Variants in KCNIP4 observed in about 807,000 individuals in gnomAD.
KCNIP4 encodes potassium voltage-gated channel interacting protein 4, also known as Kv channel-interacting protein 4.
A neutral mutation model predicts 34.0 loss-of-function variants in KCNIP4; 12 were observed. The observed-to-expected ratio is 0.35, with a 90% confidence interval of 0.23 to 0.57. The LOEUF (loss-of-function observed/expected upper bound fraction) is 0.57, where lower values mean the gene tolerates loss of function less well. KCNIP4 is among the 20% of genes least tolerant of loss of function. The pLI, the probability that KCNIP4 is intolerant of heterozygous loss-of-function variation, is 0.83. For synonymous variants in KCNIP4, 124 were observed against 102.2 expected (o/e 1.21, Z -1.29); for missense variants, 238 against 311.7 (o/e 0.76, Z 1.78).
intron 1 of KCNIP4, among the ~76,000 whole-genome samples, chr4:21,894,177 CA>C (rs897662492): frequency 5.3e-5 from 8 of 150,444 alleles, no homozygotes; most frequent in East Asian, 3.9e-4. Flanking sequence ...ACTAAAAATA[CA>C]AAAAAAAATT....
At chr4:21,729,349 A>C (rs1715423040) in intron 1 of KCNIP4, among the ~76,000 whole-genome samples, 1 of 152,160 alleles carries the variant, frequency 6.6e-6, no homozygotes, top group South Asian at 2.1e-4. Flanking sequence ...GGAACAAGGA[A>C]TACACCAGTG....
intron 5 of KCNIP4, among the ~76,000 whole-genome samples, chr4:20,738,059 G>A (rs1750090625): frequency 6.6e-6 from 1 of 152,004 alleles, no homozygotes. Flanking sequence ...GAGCCCAGAA[G>A]GTCGAGGCTA....
intron 1 of KCNIP4, among the ~76,000 whole-genome samples, chr4:21,068,007 A>C (rs1439544411): frequency 6.6e-6 from 1 of 152,208 alleles, no homozygotes; most frequent in East Asian, 1.9e-4. Context: ...AAAATATTTA[A>C]AATATGATTG....
intron 1 of KCNIP4, among the ~76,000 whole-genome samples, chr4:21,723,827 A>T (rs1018427258): frequency 6.6e-6 from 1 of 152,118 alleles, no homozygotes; most frequent in South Asian, 2.1e-4. Context: ...TGGACTATGA[A>T]AAACACAGTT....
At chr4:21,403,826 A>G (rs1723744535) in intron 1 of KCNIP4, among the ~76,000 whole-genome samples, 1 of 152,196 alleles carries the variant, frequency 6.6e-6, no homozygotes, top group South Asian at 2.1e-4. Flanking sequence ...TGCTGTGTCC[A>G]CACATGGAGG....
intron 1 of KCNIP4, among the ~76,000 whole-genome samples, chr4:21,751,353 C>T (rs1391041300): frequency 6.6e-6 from 1 of 152,024 alleles, no homozygotes; most frequent in Non-Finnish European, 1.5e-5. Flanking sequence ...TCTTAAATTG[C>T]ATTAAAGGAT....
chr4:21,813,020 G>C (rs1721756064), intron 1 of KCNIP4, among the ~76,000 whole-genome samples: 1 of 152,100 alleles, frequency 6.6e-6, no homozygotes, highest in Non-Finnish European at 1.5e-5. Context: ...AGCTTGCCTA[G>C]GTGCCCCCAA....
chr4:20,882,624 C>T lies in KCNIP4; in HGVS notation c.147G>A (p.Ser49=), dbSNP rs374165010. 48 of 1,612,666 alleles carry T rather than the reference C, an allele frequency of 3.0e-5. No individual in the cohort carries two copies. In the African/African-American group the frequency reaches 4.8e-4, roughly 16 times the overall value. The change falls in exon 2 of 9, where the codon TCG becomes TCA. Residue 49 remains serine, a synonymous_variant. Transcript: ENST00000382152. ...KLLPCSAAKT[S]SPAIQNSVED... ...CAAACTTGCTTTGAATAGCAGGAGA[C>T]GACGTTTTGGCAGCTGAGCAGGGCA...
chr4:21,546,183 T>C (rs1010695912), intron 1 of KCNIP4, among the ~76,000 whole-genome samples: 4 of 152,144 alleles, frequency 2.6e-5, no homozygotes, highest in African/African-American at 7.2e-5. Context: ...AGGTCAATCA[T>C]TGGGGACCTA....
At chr4:21,028,720 G>T (rs148656116) in intron 1 of KCNIP4, among the ~76,000 whole-genome samples, 553 of 152,286 alleles carry the variant, frequency 3.6e-3, no homozygotes, top group Non-Finnish European at 6.2e-3. Flanking sequence ...CACACAATCT[G>T]GTGGGGAAAG....
intron 1 of KCNIP4, among the ~76,000 whole-genome samples, chr4:21,663,494 G>A (rs1237449192): frequency 6.6e-6 from 1 of 152,106 alleles, no homozygotes. Context: ...CTGTGACTAA[G>A]CCAAGGCTAC....
At chr4:21,347,898 T>C (rs16870894) in intron 1 of KCNIP4, among the ~76,000 whole-genome samples, 5,173 of 152,244 alleles carry the variant, frequency 0.034, 225 homozygotes, top group East Asian at 0.2. Flanking sequence ...GCTTGTTCCA[T>C]CTACATGATA....
intron 1 of KCNIP4, among the ~76,000 whole-genome samples, chr4:21,290,682 C>T (rs1763393171): frequency 6.6e-6 from 1 of 152,156 alleles, no homozygotes; most frequent in East Asian, 1.9e-4. Context: ...GCTGAGTGAA[C>T]TTGGGCCAAG....
intron 1 of KCNIP4, among the ~76,000 whole-genome samples, chr4:21,206,112 A>G (rs1756834610): frequency 6.6e-6 from 1 of 152,204 alleles, no homozygotes; most frequent in African/African-American, 2.4e-5. Context: ...TGTGTTAAAG[A>G]TAACCTTTGC....
At chr4:21,131,369 G>A (rs1300178109) in intron 1 of KCNIP4, among the ~76,000 whole-genome samples, 1 of 152,158 alleles carries the variant, frequency 6.6e-6, no homozygotes, top group Non-Finnish European at 1.5e-5. Flanking sequence ...TTCTTTAGAA[G>A]TCAGGGCAGT....
chr4:21,629,279 G>A (rs973592819), intron 1 of KCNIP4, among the ~76,000 whole-genome samples: 1 of 152,176 alleles, frequency 6.6e-6, no homozygotes, highest in Non-Finnish European at 1.5e-5. Flanking sequence ...CACCCCAAAA[G>A]AATAATAAAT....
chr4:20,984,014 CAA>C, intron 1 of KCNIP4: 1 of 1,498,866 alleles, frequency 6.7e-7, no homozygotes, highest in Non-Finnish European at 8.8e-7. Context: ...AGGCTTGGAA[CAA>C]AGACTTGCAA....
chr4:21,891,307 C>A (rs187035387), intron 1 of KCNIP4, among the ~76,000 whole-genome samples: 2 of 152,206 alleles, frequency 1.3e-5, no homozygotes, highest in East Asian at 3.9e-4. Flanking sequence ...CTCACCTCCC[C>A]CCTTGCTCCT....
In KCNIP4 at chr4:21,375,278, A is replaced by G. The variant is rs139335886; in HGVS notation, c.62-492569T>C. Among the ~76,000 whole-genome samples the G allele has an allele frequency of 1.5e-3, 202 of 130,954 alleles. 42 individuals are homozygous for G. The highest frequency in any genetic ancestry group is 8.6e-3 in the African/African-American group (198 of 22,936). 85.9% of individuals were successfully genotyped at this position (130,954 alleles called of 152,430 possible). A position where few individuals can be genotyped will look rare whatever the true frequency, so the allele number is the denominator to read the frequency against. On this transcript the variant is annotated intron_variant, in intron 1 of 8. Transcript: ENST00000382152. ...ACATGTGTGTTCAATTGCATCCAAG[A>G]ATGTCTTCTGAAACTGAGTCCCTCC...
Sources: allele counts gnomAD v4.1 joint callset (sites outside exome capture counted in the v4.1 genomes callset), GRCh38; gene constraint gnomAD v4.1.1; transcripts MANE v1.5; gene names NCBI Gene and HGNC (gene_info 2026-07-23, HGNC 2026-07-21).